LSAMP: variants seen among roughly 807,000 people sequenced by gnomAD.
LSAMP encodes limbic system-associated membrane protein.
In LSAMP, 7 loss-of-function variants were observed where a neutral mutation model predicts 38.6. The observed-to-expected ratio is 0.18, with a 90% CI of 0.10 to 0.34. LSAMP has a LOEUF of 0.34. LSAMP is among the 10% of genes least tolerant of loss of function. The pLI is 1.00. For synonymous variants in LSAMP, 154 were observed against 166.8 expected (o/e 0.92, Z 0.59); for missense variants, 313 against 420.0 (o/e 0.75, Z 2.23).
intron 1 of LSAMP, among the ~76,000 whole-genome samples, chr3:116,366,177 A>C (rs536734886): frequency 4.6e-4 from 69 of 151,126 alleles, no homozygotes; most frequent in Non-Finnish European, 4.1e-4. Flanking sequence ...ACTTACAAGA[A>C]AAAAAAAATC....
At chr3:116,232,198 C>T (rs1393527633) in intron 1 of LSAMP, among the ~76,000 whole-genome samples, 1 of 152,150 alleles carries the variant, frequency 6.6e-6, no homozygotes, top group Non-Finnish European at 1.5e-5. Context: ...TGGAGAGCCT[C>T]CAAACAATCT....
At chr3:116,078,121 T>C (rs1707787338) in intron 2 of LSAMP, among the ~76,000 whole-genome samples, 1 of 152,136 alleles carries the variant, frequency 6.6e-6, no homozygotes, top group Non-Finnish European at 1.5e-5. Flanking sequence ...ACTTTAACAT[T>C]ATTCCTTATT....
At chr3:115,969,541 T>C (rs1301798028) in intron 3 of LSAMP, among the ~76,000 whole-genome samples, 1 of 152,172 alleles carries the variant, frequency 6.6e-6, no homozygotes, top group Admixed American at 6.5e-5. Context: ...CCCACCCTTC[T>C]GGCGAAAAAA....
chr3:116,096,534 G>C (rs1306750865), intron 1 of LSAMP, among the ~76,000 whole-genome samples: 2 of 152,220 alleles, frequency 1.3e-5, no homozygotes, highest in Non-Finnish European at 2.9e-5. Context: ...CATGGTTATA[G>C]TGCAATGGTG....
At chr3:115,995,966 G>A (rs528571089) in intron 3 of LSAMP, among the ~76,000 whole-genome samples, 1 of 152,046 alleles carries the variant, frequency 6.6e-6, no homozygotes, top group East Asian at 1.9e-4. Flanking sequence ...TAGATTGAAT[G>A]GATACCTGAG....
intron 1 of LSAMP, among the ~76,000 whole-genome samples, chr3:116,090,068 A>C (rs1397915590): frequency 6.6e-6 from 1 of 151,766 alleles, no homozygotes; most frequent in Non-Finnish European, 1.5e-5. Flanking sequence ...AAATGGTAGG[A>C]CCAGGCACGG....
chr3:115,883,417 A>T (rs1936372235), intron 3 of LSAMP, among the ~76,000 whole-genome samples: 1 of 152,096 alleles, frequency 6.6e-6, no homozygotes, highest in Non-Finnish European at 1.5e-5. Context: ...CTTAGTGCCA[A>T]CCTGCACTTG....
chr3:115,834,436 G>GA (rs1219332042), intron 6 of LSAMP: 2 of 748,480 alleles, frequency 2.7e-6, no homozygotes, highest in Non-Finnish European at 4.0e-6. Context: ...AGGTTTAAGG[G>GA]AAAAAAATGA....
intron 1 of LSAMP, among the ~76,000 whole-genome samples, chr3:116,268,229 TA>T (rs2046918904): frequency 6.6e-6 from 1 of 151,994 alleles, no homozygotes; most frequent in Non-Finnish European, 1.5e-5. Context: ...GTGTGTGTAG[TA>T]GGCAAGATGC....
chr3:115,909,146 T>C (rs7617082), intron 3 of LSAMP, among the ~76,000 whole-genome samples: 66,979 of 152,018 alleles, frequency 0.44, 15,390 homozygotes, highest in African/African-American at 0.58. Context: ...TTATTATAGA[T>C]GGTCTTTGCT....
chr3:116,252,261 G>C (rs1266803625), intron 1 of LSAMP, among the ~76,000 whole-genome samples: 2 of 152,208 alleles, frequency 1.3e-5, no homozygotes, highest in Non-Finnish European at 2.9e-5. Flanking sequence ...GGAGGGCAAG[G>C]CAGTTGGCAG....
chr3:115,977,472 G>A (rs1264867325), intron 3 of LSAMP, among the ~76,000 whole-genome samples: 2 of 152,046 alleles, frequency 1.3e-5, no homozygotes, highest in South Asian at 2.1e-4. Flanking sequence ...TTTACCATAG[G>A]TTCCTGCCAG....
chr3:115,945,313 T>G (rs950920172), intron 3 of LSAMP, among the ~76,000 whole-genome samples: 1 of 152,108 alleles, frequency 6.6e-6, no homozygotes, highest in Non-Finnish European at 1.5e-5. Flanking sequence ...ACTGAAAGCA[T>G]TCCTAGGATT....
At chr3:115,826,236 T>G (rs1934404839) in intron 6 of LSAMP, among the ~76,000 whole-genome samples, 1 of 152,170 alleles carries the variant, frequency 6.6e-6, no homozygotes, top group Non-Finnish European at 1.5e-5. Context: ...TGCCTCAGCC[T>G]CCTGAGTAGC....
chr3:116,331,657 G>A (rs1342763879), intron 1 of LSAMP, among the ~76,000 whole-genome samples: 1 of 152,072 alleles, frequency 6.6e-6, no homozygotes, highest in Non-Finnish European at 1.5e-5. Flanking sequence ...CCTGAAAGAA[G>A]TACTTCATGG....
intron 1 of LSAMP, among the ~76,000 whole-genome samples, chr3:116,286,183 T>A (rs2107687203): frequency 6.6e-6 from 1 of 152,328 alleles, no homozygotes; most frequent in South Asian, 2.1e-4. Flanking sequence ...GCATATGGAA[T>A]ATACTCTGCA....
At chr3:116,053,160 T>C (rs1273391640) in intron 2 of LSAMP, among the ~76,000 whole-genome samples, 1 of 152,190 alleles carries the variant, frequency 6.6e-6, no homozygotes, top group Non-Finnish European at 1.5e-5. Context: ...CAGCCCTGAC[T>C]ACAAGGATGC....
chr3:116,017,820 A>C (rs536330192), intron 3 of LSAMP, among the ~76,000 whole-genome samples: 1 of 152,318 alleles, frequency 6.6e-6, no homozygotes, highest in East Asian at 1.9e-4. Flanking sequence ...TCTCTCAATT[A>C]TAACATTACA....
intron 1 of LSAMP, among the ~76,000 whole-genome samples, chr3:116,231,401 A>C (rs1039321497): frequency 8.5e-5 from 13 of 152,110 alleles, no homozygotes; most frequent in African/African-American, 3.1e-4. Flanking sequence ...TTTGCTTCCA[A>C]TTTCTATTTG....
Sources: gnomAD v4.1 joint callset for allele counts (sites outside exome capture counted in the v4.1 genomes callset) on GRCh38, gnomAD v4.1.1 for gene constraint, MANE v1.5 for transcripts, NCBI Gene and HGNC (gene_info 2026-07-23, HGNC 2026-07-21) for gene names.